PDGFD: variants seen among roughly 807,000 people sequenced by gnomAD.
PDGFD encodes the protein platelet-derived growth factor D.
In PDGFD, 30 loss-of-function variants were observed where a neutral mutation model predicts 44.7. The ratio of observed to expected loss-of-function variants is 0.67; its 90% confidence interval spans 0.50 to 0.91. The LOEUF (loss-of-function observed/expected upper bound fraction) is 0.91, where lower values mean the gene tolerates loss of function less well. Among genes scored for constraint, PDGFD ranks in the 40% least tolerant of loss-of-function variants. The pLI, the probability that PDGFD is intolerant of heterozygous loss-of-function variation, is 0.00. For missense variants in PDGFD, 445 were observed against 457.8 expected (o/e 0.97, Z 0.25); for synonymous variants, 173 against 168.4 (o/e 1.03, Z -0.21).
At chr11:104,157,977 T>A (rs1862331923) in intron 1 of PDGFD, among the ~76,000 whole-genome samples, 1 of 152,232 alleles carries the variant, frequency 6.6e-6, no homozygotes, top group East Asian at 1.9e-4. Context: ...TAAAGAGTCC[T>A]AACACATAAG....
At chr11:104,004,828 T>C (rs1382253839) in intron 1 of PDGFD, among the ~76,000 whole-genome samples, 2 of 150,482 alleles carry the variant, frequency 1.3e-5, no homozygotes, top group Admixed American at 1.3e-4. Flanking sequence ...TGTATGCATG[T>C]CCATATATAT....
intron 5 of PDGFD, among the ~76,000 whole-genome samples, chr11:103,929,901 G>A (rs1262674323): frequency 6.6e-6 from 1 of 152,212 alleles, no homozygotes; most frequent in East Asian, 1.9e-4. Context: ...CTTCTGGGAG[G>A]GAGACAGGCC....
chr11:104,013,141 G>A (rs186789712), intron 1 of PDGFD, among the ~76,000 whole-genome samples: 1 of 152,320 alleles, frequency 6.6e-6, no homozygotes. Context: ...TGAATGTGGA[G>A]AGGAGCTTGG....
intron 1 of PDGFD, among the ~76,000 whole-genome samples, chr11:104,099,905 G>A (rs145849430): frequency 1.6e-3 from 243 of 152,004 alleles, no homozygotes; most frequent in African/African-American, 5.3e-3. Context: ...AGAATAACAC[G>A]GATTGCTTTA....
chr11:104,060,435 C>A (rs1305895817), intron 1 of PDGFD, among the ~76,000 whole-genome samples: 3 of 152,138 alleles, frequency 2.0e-5, no homozygotes, highest in African/African-American at 7.2e-5. Flanking sequence ...GGGTACACAT[C>A]TGGGTGGGAT....
At chr11:104,022,402 A>C (rs1213614499) in intron 1 of PDGFD, among the ~76,000 whole-genome samples, 1 of 152,156 alleles carries the variant, frequency 6.6e-6, no homozygotes, top group Non-Finnish European at 1.5e-5. Flanking sequence ...CTGTGCATTG[A>C]CTGGACAAAT....
intron 4 of PDGFD, chr11:103,946,057 G>A (rs1012323016): frequency 6.6e-6 from 1 of 152,124 alleles, no homozygotes; most frequent in Non-Finnish European, 1.5e-5. Flanking sequence ...TCCTTCAGCT[G>A]AACAGTAAAT....
chr11:103,927,345 A>G lies in PDGFD; in HGVS notation c.773-219T>C, dbSNP rs140056900. 6.2e-4 allele frequency among the ~76,000 whole-genome samples: 95 copies of G among 152,254 alleles called. 1 individual carries two copies. The highest frequency in any genetic ancestry group is 2.2e-3 in the African/African-American group (92 of 41,570). ...TGAAAATAACAACAAAAACAAAACA[A>G]AACAAAAACCTTGGCTAAAATTCAT... On this transcript the variant is annotated intron_variant, in intron 5 of 6. Coordinates refer to ENST00000393158, the MANE Select transcript of PDGFD (RefSeq NM_025208.5).
intron 1 of PDGFD, among the ~76,000 whole-genome samples, chr11:104,109,135 G>A (rs149553730): frequency 0.088 from 13,329 of 150,958 alleles, 695 homozygotes; most frequent in East Asian, 0.27. Context: ...CACCAACATG[G>A]CACATGTATA....
chr11:104,024,513 C>G (rs990720234), intron 1 of PDGFD, among the ~76,000 whole-genome samples: 3 of 152,130 alleles, frequency 2.0e-5, no homozygotes, highest in Admixed American at 2.0e-4. Context: ...CCCATAAGAT[C>G]ATAACATTGT....
At chr11:103,983,184 A>G (rs1160048784) in intron 3 of PDGFD, among the ~76,000 whole-genome samples, 2 of 151,880 alleles carry the variant, frequency 1.3e-5, no homozygotes, top group Non-Finnish European at 2.9e-5. Context: ...ACAGGGTTAC[A>G]GTAACCAAAA....
intron 1 of PDGFD, among the ~76,000 whole-genome samples, chr11:104,058,082 T>C (rs1846388443): frequency 6.6e-6 from 1 of 152,076 alleles, no homozygotes; most frequent in African/African-American, 2.4e-5. Flanking sequence ...CATAAAAAAA[T>C]TGTGACAAAG....
At chr11:104,082,466 C>T (rs1051918913) in intron 1 of PDGFD, among the ~76,000 whole-genome samples, 5 of 151,868 alleles carry the variant, frequency 3.3e-5, no homozygotes, top group Non-Finnish European at 7.4e-5. Context: ...AGGTTATAGT[C>T]ATGATTTTTT....
At chr11:104,020,485 T>C (rs937172667) in intron 1 of PDGFD, among the ~76,000 whole-genome samples, 1 of 152,080 alleles carries the variant, frequency 6.6e-6, no homozygotes, top group Non-Finnish European at 1.5e-5. Context: ...CATATAAATA[T>C]CAATAATAGC....
intron 3 of PDGFD, among the ~76,000 whole-genome samples, chr11:103,950,851 T>G (rs1211081304): frequency 6.6e-6 from 1 of 152,176 alleles, no homozygotes; most frequent in Non-Finnish European, 1.5e-5. Context: ...GAGGACACCC[T>G]TTGAAGTAGC....
intron 3 of PDGFD, among the ~76,000 whole-genome samples, chr11:103,954,857 T>TAAAC (rs1858813161): frequency 6.6e-6 from 1 of 152,030 alleles, no homozygotes; most frequent in Non-Finnish European, 1.5e-5. Context: ...CAAAGGGGTT[T>TAAAC]GTTAAGATTC....
At chr11:104,127,931 C>G (rs1016036460) in intron 1 of PDGFD, among the ~76,000 whole-genome samples, 2 of 152,150 alleles carry the variant, frequency 1.3e-5, no homozygotes, top group African/African-American at 2.4e-5. Flanking sequence ...CATTTCATCT[C>G]TTTGCCTCTC....
chr11:104,063,685 G>A (rs1226485286), intron 1 of PDGFD, among the ~76,000 whole-genome samples: 2 of 152,128 alleles, frequency 1.3e-5, no homozygotes, highest in Non-Finnish European at 2.9e-5. Context: ...GGGAAGCAAG[G>A]CACATGTTAC....
chr11:103,969,474 G>GTTTT (rs66571550), intron 3 of PDGFD, among the ~76,000 whole-genome samples: 6,335 of 89,634 alleles, frequency 0.071, 419 homozygotes, highest in South Asian at 0.1. Context: ...ACCAAGCCTG[G>GTTTT]TTTTTTTTTT....
Sources: allele counts gnomAD v4.1 joint callset (sites outside exome capture counted in the v4.1 genomes callset), GRCh38; gene constraint gnomAD v4.1.1; transcripts MANE v1.5; gene names NCBI Gene and HGNC (gene_info 2026-07-23, HGNC 2026-07-21).